CPNE4: variants seen among roughly 807,000 people sequenced by gnomAD.
CPNE4 encodes the protein copine-4.
A neutral mutation model predicts 67.9 loss-of-function variants in CPNE4; 25 were observed. The ratio of observed to expected loss-of-function variants is 0.37; its 90% CI spans 0.27 to 0.51. CPNE4 has a LOEUF of 0.51. Ranked by LOEUF, CPNE4 falls within the 20% of genes least tolerant of loss-of-function variation. CPNE4 has a pLI of 0.93. For missense variants in CPNE4, 464 were observed against 690.8 expected, an observed-to-expected ratio of 0.67 and a Z score of 3.68; for synonymous variants, 242 against 244.9, an observed-to-expected ratio of 0.99 and a Z score of 0.11.
chr3:131,804,693 G>A (rs544603634), intron 2 of CPNE4, among the ~76,000 whole-genome samples: 22 of 152,278 alleles, frequency 1.4e-4, no homozygotes, highest in African/African-American at 4.8e-4. Context: ...AGAAGTGGCA[G>A]CGTGCCTGTT....
chr3:131,894,333 C>A (rs1234944739), intron 2 of CPNE4, among the ~76,000 whole-genome samples: 1 of 151,744 alleles, frequency 6.6e-6, no homozygotes, highest in African/African-American at 2.4e-5. Flanking sequence ...AGAAAATTGA[C>A]CTCAAAAGCA....
At chr3:131,912,657 AGAG>A (rs779354549) in intron 1 of CPNE4, among the ~76,000 whole-genome samples, 4 of 152,102 alleles carry the variant, frequency 2.6e-5, no homozygotes, top group South Asian at 2.1e-4. Context: ...CCTTAGATCA[AGAG>A]GAGATCTGTC....
chr3:131,889,458 C>A (rs534151066), intron 2 of CPNE4, among the ~76,000 whole-genome samples: 56 of 152,342 alleles, frequency 3.7e-4, no homozygotes, highest in Admixed American at 3.6e-3. Flanking sequence ...CAGGCTGCTA[C>A]AACAGCCTCC....
At chr3:131,765,116 A>G (rs2082979130) in intron 2 of CPNE4, among the ~76,000 whole-genome samples, 1 of 152,118 alleles carries the variant, frequency 6.6e-6, no homozygotes, top group South Asian at 2.1e-4. Context: ...AGTAAACCAC[A>G]TAAAAGAATC....
chr3:131,702,347 T>C (rs1029911370), intron 3 of CPNE4, among the ~76,000 whole-genome samples: 3 of 151,968 alleles, frequency 2.0e-5, no homozygotes, highest in Non-Finnish European at 4.4e-5. Flanking sequence ...AAGAATAGAG[T>C]GGTAAGTAAA....
At chr3:131,542,436 G>A in intron 15 of CPNE4, 121 bp downstream of exon 15, 1 of 759,262 alleles carries the variant, frequency 1.3e-6, no homozygotes, top group Non-Finnish European at 2.3e-6. Flanking sequence ...GGTATGTAGA[G>A]CATAGCTGGT....
At position 131,929,752 on chromosome 3, in the gene CPNE4, G is replaced by A. The variant is rs114918141; in HGVS notation, c.-1-24308C>T. Among the ~76,000 whole-genome samples, 566 of 152,212 alleles carry A rather than the reference G, an allele frequency of 3.7e-3. 4 individuals carry two copies. Among genetic ancestry groups the A allele is most frequent in the African/African-American group, 0.013 (550 of 41,538 alleles). On this transcript the variant is annotated intron_variant, in intron 1 of 15. Coordinates refer to ENST00000429747, the MANE Select transcript of CPNE4 (RefSeq NM_130808.3). Reference sequence around the variant, plus strand: ...AGCTCACCAACTAATTATCCATTCTGTCAAAAGTGAGTACCCCTGTCAGGG... The same window carrying A: ...AGCTCACCAACTAATTATCCATTCTATCAAAAGTGAGTACCCCTGTCAGGG...
At chr3:131,771,592 T>C (rs113851385) in intron 2 of CPNE4, among the ~76,000 whole-genome samples, 86 of 152,256 alleles carry the variant, frequency 5.6e-4, no homozygotes, top group African/African-American at 1.9e-3. Context: ...CCACCATAAA[T>C]GGAAGCAGCC....
chr3:131,576,830 A>T (rs996518485), intron 9 of CPNE4, among the ~76,000 whole-genome samples: 3 of 152,114 alleles, frequency 2.0e-5, no homozygotes, highest in Admixed American at 2.0e-4. Flanking sequence ...TATCAAAACC[A>T]TGTGAGTGGT....
chr3:131,948,474 A>T (rs1649933192), intron 1 of CPNE4, among the ~76,000 whole-genome samples: 1 of 152,212 alleles, frequency 6.6e-6, no homozygotes, highest in South Asian at 2.1e-4. Flanking sequence ...TAAACTACCC[A>T]GTCTCAGGTA....
chr3:131,997,272 A>C (rs1196543914), intron 1 of CPNE4, among the ~76,000 whole-genome samples: 1 of 152,160 alleles, frequency 6.6e-6, no homozygotes, highest in East Asian at 1.9e-4. Context: ...CTAAACACAG[A>C]AACAAATTTT....
intron 6 of CPNE4, among the ~76,000 whole-genome samples, chr3:131,682,915 A>G (rs2080793897): frequency 6.6e-6 from 1 of 151,902 alleles, no homozygotes; most frequent in African/African-American, 2.4e-5. Flanking sequence ...CTTGGCCACC[A>G]CCACCCTAGG....
chr3:131,833,858 C>A (rs1531375), intron 2 of CPNE4, among the ~76,000 whole-genome samples: 129,677 of 152,214 alleles, frequency 0.85, 55,915 homozygotes, highest in East Asian at 1. Context: ...TTCCACTGTG[C>A]GAGCCACATA....
intron 14 of CPNE4, among the ~76,000 whole-genome samples, chr3:131,544,915 A>AT (rs1340426818): frequency 6.6e-6 from 1 of 152,134 alleles, no homozygotes; most frequent in Non-Finnish European, 1.5e-5. Context: ...CAGTGGATGA[A>AT]TCTCCCCTAC....
intron 2 of CPNE4, among the ~76,000 whole-genome samples, chr3:131,873,455 T>G (rs1560514128): frequency 6.6e-6 from 1 of 152,196 alleles, no homozygotes; most frequent in South Asian, 2.1e-4. Context: ...ATTACTTATC[T>G]GAATATTCTG....
chr3:131,803,038 T>G (rs991453691), intron 2 of CPNE4, among the ~76,000 whole-genome samples: 15 of 152,342 alleles, frequency 9.8e-5, no homozygotes, highest in Non-Finnish European at 1.9e-4. Context: ...TTTTCTAAGT[T>G]ATCTATCCAA....
At chr3:131,849,039 C>T (rs1036536233) in intron 2 of CPNE4, among the ~76,000 whole-genome samples, 4 of 146,794 alleles carry the variant, frequency 2.7e-5, no homozygotes, top group Admixed American at 6.8e-5. Flanking sequence ...AAAGTTGGTA[C>T]AGAAAATACA....
chr3:131,929,522 G>A lies in CPNE4; in HGVS notation c.-1-24078C>T, dbSNP rs553778956. 6.6e-5 allele frequency among the ~76,000 whole-genome samples: 10 copies of A among 152,048 alleles called. No homozygotes were observed. In the South Asian group the frequency reaches 8.3e-4, roughly 13 times the overall value. On this transcript the variant is annotated intron_variant, in intron 1 of 15. Transcript: ENST00000429747. ...ATACATAAAAAATCAGCAGTCTCAC[G>A]TCTGATTTCTGCCCCTTCTCCATGT...
At chr3:131,789,102 C>T (rs2083645235) in intron 2 of CPNE4, among the ~76,000 whole-genome samples, 1 of 151,742 alleles carries the variant, frequency 6.6e-6, no homozygotes, top group South Asian at 2.1e-4. Flanking sequence ...GAAACTTCCA[C>T]CTGGTCCTGG....
Sources: gnomAD v4.1 joint callset for allele counts (sites outside exome capture counted in the v4.1 genomes callset) on GRCh38, gnomAD v4.1.1 for gene constraint, MANE v1.5 for transcripts, NCBI Gene and HGNC (gene_info 2026-07-23, HGNC 2026-07-21) for gene names.